The following SYNE2 variants were observed in gnomAD, a reference collection of about 807,000 sequenced individuals.
The protein encoded by SYNE2 is spectrin repeat containing nuclear envelope protein 2.
In SYNE2, 431 loss-of-function variants were observed where a neutral mutation model predicts 856.3. The observed-to-expected ratio is 0.50, with a 90% CI of 0.47 to 0.55. The LOEUF (loss-of-function observed/expected upper bound fraction) is 0.55. Ranked by LOEUF, SYNE2 falls within the 20% of genes least tolerant of loss-of-function variation. SYNE2 has a pLI of 0.00. For missense variants in SYNE2, 8,129 were observed against 8,023.2 expected (o/e 1.01, Z -0.50); for synonymous variants, 2,923 against 2,872.3 (o/e 1.02, Z -0.56).
intron 78 of SYNE2, among the ~76,000 whole-genome samples, chr14:64,134,491 T>C (rs1036745254): frequency 6.6e-6 from 1 of 152,178 alleles, no homozygotes; most frequent in African/African-American, 2.4e-5. Flanking sequence ...GGAATGCAGA[T>C]AATCGAGCCA....
Position 64,128,515 on chromosome 14 carries a change from A to C in SYNE2, c.13981A>C (p.Asn4661His), listed in dbSNP as rs1364485249. ...TAAGACATCTTTACAACAGTCTTTG[A>C]ATGAAATCAGTGGGCAGAGTGTTGC... ...KSKTSLQQSL[N>H]EISGQSVAEQ... is the part of the protein sequence containing the mutation. The change falls in exon 74 of 116, where the codon AAT (asparagine) becomes CAT (histidine). Residue 4661 changes from asparagine (N) to histidine (H), a missense_variant. Asn to His is a moderately conservative substitution (Grantham distance 68). Around this residue, in one of 3 missense-constraint regions of SYNE2, gnomAD observed 5,410 missense variants for 5,284.8 expected, o/e 1.02. Coordinates refer to ENST00000555002, the MANE Select transcript of SYNE2 (RefSeq NM_182914.3). 6.2e-7 allele frequency: 1 copy of C among 1,610,284 alleles called. No individual in the cohort carries two copies. The highest frequency in any genetic ancestry group is 1.3e-5 in the African/African-American group (1 of 74,876).
chr14:63,930,659 C>A (rs1268385716), intron 2 of SYNE2, among the ~76,000 whole-genome samples: 5 of 151,808 alleles, frequency 3.3e-5, no homozygotes, highest in African/African-American at 1.2e-4. Flanking sequence ...TTCAGCCTCC[C>A]AAGTAGCTGG....
chr14:63,807,437 A>G (rs1456457224), intron 1 of SYNE2, among the ~76,000 whole-genome samples: 2 of 152,074 alleles, frequency 1.3e-5, no homozygotes, highest in East Asian at 3.9e-4. Context: ...TGAATACGTT[A>G]TAAAAATTAT....
At chr14:64,009,911 A>G (rs1405315734) in intron 31 of SYNE2, 55 bp from the exon 32 acceptor site, 1 of 1,503,454 alleles carries the variant, frequency 6.7e-7, no homozygotes, top group Non-Finnish European at 9.2e-7. Flanking sequence ...GCAAAGAGAA[A>G]GAACGGTTTT....
chr14:64,215,197 C>A, intron 106 of SYNE2, 89 bp from the exon 107 acceptor site: 1 of 1,214,144 alleles, frequency 8.2e-7, no homozygotes, highest in Non-Finnish European at 1.2e-6. Context: ...TTTTCTCCTT[C>A]CAGCTGACAA....
At chr14:64,205,160 C>A (rs777835308) in intron 100 of SYNE2, among the ~76,000 whole-genome samples, 1 of 151,978 alleles carries the variant, frequency 6.6e-6, no homozygotes, top group Non-Finnish European at 1.5e-5. Flanking sequence ...TCTCCTTTGC[C>A]GTGTAATCTA....
At chr14:63,915,271 A>G (rs1025728685) in intron 2 of SYNE2, among the ~76,000 whole-genome samples, 1 of 152,246 alleles carries the variant, frequency 6.6e-6, no homozygotes, top group Admixed American at 6.5e-5. Flanking sequence ...CATAGTAACA[A>G]GCGAAATTGG....
chr14:64,001,725 G>T lies in SYNE2; in HGVS notation c.3639-209G>T, dbSNP rs201214996. Among the ~76,000 whole-genome samples the T allele has an allele frequency of 9.2e-5, 14 of 152,278 alleles. No individual in the cohort carries two copies. The East Asian group carries it at 1.3e-3, about 15-fold the overall frequency. ...TGGATAGATGGATGAACAAATAAAA[G>T]AATACTTGGATATAGCAACCAATTC... On this transcript the variant is annotated intron_variant, in intron 28 of 115. Coordinates refer to ENST00000555002, the MANE Select transcript of SYNE2 (RefSeq NM_182914.3).
In SYNE2 at chr14:63,938,023, TTAG is replaced by T. The variant is rs373704172; in HGVS notation, c.80-2588_80-2586del. Among the ~76,000 whole-genome samples the T allele has an allele frequency of 2.4e-4, 36 of 152,184 alleles. 1 individual carries two copies. Among genetic ancestry groups the T allele is most frequent in the African/African-American group, 8.2e-4 (34 of 41,478 alleles). On this transcript the variant is annotated intron_variant, in intron 2 of 115. Transcript: ENST00000555002. ...ACTTGAGATCATGGAGGAGTTGTTA[TTAG>T]TAATGACAAAGTCTGGAGTATGACC...
At chr14:63,835,558 G>A (rs1889823003) in intron 1 of SYNE2, among the ~76,000 whole-genome samples, 1 of 116,284 alleles carries the variant, frequency 8.6e-6, no homozygotes, top group South Asian at 3.3e-4. Context: ...TCTTAATGTA[G>A]ATATTTGCGT....
intron 1 of SYNE2, among the ~76,000 whole-genome samples, chr14:63,898,642 C>A (rs934150942): frequency 6.6e-6 from 1 of 152,020 alleles, no homozygotes; most frequent in Non-Finnish European, 1.5e-5. Context: ...TGGCCTCAAG[C>A]GATTCGCCCA....
chr14:64,126,352 T>A lies in SYNE2; in HGVS notation c.13580T>A (p.Ile4527Asn), dbSNP rs2097945217. 1.9e-6 allele frequency: 3 copies of A among 1,613,938 alleles called. No individual in the cohort carries two copies. The highest frequency in any genetic ancestry group is 2.5e-6 in the Non-Finnish European group (3 of 1,179,892). Residue 4527 changes from isoleucine (I) to asparagine (N), a missense_variant, in exon 72 of 116, where the codon ATC becomes AAC. Ile to Asn is a moderately radical substitution (Grantham distance 149). This residue lies in a region of SYNE2 where 5,410 missense variants were observed against 5,284.8 expected (regional missense o/e 1.02). Transcript: ENST00000555002. Reference sequence around the variant, plus strand: ...GAAAATATGACAGAAGAAGCATATATCAATTTGGATAAAAAATTGTTTGAA... The same window carrying A: ...GAAAATATGACAGAAGAAGCATATAACAATTTGGATAAAAAATTGTTTGAA... Reference protein sequence around the residue: ...TQENMTEEAYINLDKKLFELF... With the variant: ...TQENMTEEAYNNLDKKLFELF...
intron 45 of SYNE2, among the ~76,000 whole-genome samples, chr14:64,038,076 C>T (rs1416951001): frequency 6.6e-6 from 1 of 152,054 alleles, no homozygotes; most frequent in Non-Finnish European, 1.5e-5. Context: ...GGTCTCCTCA[C>T]TTCTCAGACG....
At chr14:64,077,518 G>T (rs902343575) in intron 54 of SYNE2, among the ~76,000 whole-genome samples, 6 of 152,176 alleles carry the variant, frequency 3.9e-5, no homozygotes, top group Non-Finnish European at 7.4e-5. Context: ...CTTGGGACAA[G>T]TTCAGCTACT....
chr14:64,066,971 G>A (rs909454299), intron 51 of SYNE2, among the ~76,000 whole-genome samples: 9 of 152,208 alleles, frequency 5.9e-5, no homozygotes, highest in African/African-American at 1.7e-4. Context: ...AGGGCCCTGC[G>A]CTTAGTGGGC....
Position 63,872,400 on chromosome 14 carries a change from C to G in SYNE2, c.-52+19257C>G, listed in dbSNP as rs536587434. On this transcript the variant is annotated intron_variant, in intron 1 of 115. Coordinates refer to ENST00000555002, the MANE Select transcript of SYNE2 (RefSeq NM_182914.3). ...AGCCAAGATGGTTTGTCACTGCACT[C>G]CACACCCTGGTGACAAAGCGAGACA... Among the ~76,000 whole-genome samples the G allele has an allele frequency of 4.0e-5, 6 of 150,360 alleles. No individual in the cohort carries two copies. In the East Asian group the frequency reaches 9.8e-4, roughly 25 times the overall value.
In SYNE2 at chr14:64,126,417, G is replaced by C. The variant is rs749978726; in HGVS notation, c.13645G>C (p.Glu4549Gln). The C allele has an allele frequency of 1.2e-6, 2 of 1,614,178 alleles. No homozygotes were observed. Among genetic ancestry groups the C allele is most frequent in the South Asian group, 2.2e-5 (2 of 91,078 alleles). ...TLSQCLSSVE[E>Q]MLEMPRLYRE... ...CAGTCAGTGCCTCAGCAGTGTGGAG[G>C]AGATGCTGGAGATGCCCAGACTTTA... Residue 4549 changes from glutamate to glutamine, a missense_variant, in exon 72 of 116, where the codon GAG (glutamate) becomes CAG (glutamine). Physicochemically the swap from Glu to Gln is conservative, Grantham distance 29. This residue lies in a region of SYNE2 where 5,410 missense variants were observed against 5,284.8 expected (regional missense o/e 1.02). Coordinates refer to ENST00000555002, the MANE Select transcript of SYNE2 (RefSeq NM_182914.3).
intron 20 of SYNE2, 85 bp from the exon 21 acceptor site, chr14:63,990,857 T>C (rs542236944): frequency 5.4e-6 from 6 of 1,108,848 alleles, no homozygotes; most frequent in Admixed American, 3.8e-5. Flanking sequence ...CTTTGTCTAG[T>C]GGGAAAATAA....
chr14:64,084,072 G>A (rs1235300309), intron 57 of SYNE2, among the ~76,000 whole-genome samples: 1 of 152,140 alleles, frequency 6.6e-6, no homozygotes, highest in Admixed American at 6.5e-5. Flanking sequence ...TTACAGGCGT[G>A]TGCCACCACG....
Sources: gnomAD v4.1 joint callset for allele counts (sites outside exome capture counted in the v4.1 genomes callset) on GRCh38, gnomAD v4.1.1 for gene constraint, gnomAD v4.1.1 regional missense constraint, MANE v1.5 for transcripts, NCBI Gene and HGNC (gene_info 2026-07-23, HGNC 2026-07-21) for gene names.